The following ALK variants were observed in gnomAD, a reference collection of about 807,000 sequenced individuals.
ALK encodes ALK receptor tyrosine kinase.
A neutral mutation model predicts 163.1 loss-of-function variants in ALK; 74 were observed. The observed-to-expected ratio is 0.45, with a 90% CI of 0.38 to 0.55. The LOEUF is 0.55. Ranked by LOEUF, ALK falls within the 20% of genes least tolerant of loss-of-function variation. The pLI is 0.00. For missense variants in ALK, 2,063 were observed against 2,105.3 expected (o/e 0.98, Z 0.39); for synonymous variants, 960 against 843.2 (o/e 1.14, Z -2.40).
chr2:29,233,529 A>G, intron 14 of ALK, 36 bp downstream of exon 14: 1 of 1,614,004 alleles, frequency 6.2e-7, no homozygotes, highest in Non-Finnish European at 8.5e-7. Flanking sequence ...GCAGATGCAC[A>G]GGAACCTGGT....
At chr2:29,631,315 C>T (rs1301324260) in intron 3 of ALK, among the ~76,000 whole-genome samples, 2 of 152,230 alleles carry the variant, frequency 1.3e-5, no homozygotes, top group Non-Finnish European at 2.9e-5. Context: ...ATTTTATCAT[C>T]ACATCAGATT....
chr2:29,506,549 A>G (rs1198647336), intron 4 of ALK, among the ~76,000 whole-genome samples: 5 of 152,154 alleles, frequency 3.3e-5, no homozygotes, highest in East Asian at 1.9e-4. Context: ...GATTGAGACC[A>G]TCCTGGCCAA....
chr2:29,440,263 C>T (rs1049219182), intron 4 of ALK, among the ~76,000 whole-genome samples: 2 of 151,042 alleles, frequency 1.3e-5, no homozygotes, highest in African/African-American at 2.5e-5. Context: ...ACCACTAATA[C>T]ACATCTTTTC....
At chr2:29,578,203 C>G (rs935042934) in intron 3 of ALK, among the ~76,000 whole-genome samples, 1 of 151,852 alleles carries the variant, frequency 6.6e-6, no homozygotes, top group Non-Finnish European at 1.5e-5. Context: ...CCTACACAAG[C>G]TCTCTTTTTG....
At chr2:29,712,868 G>A (rs1320016477) in intron 2 of ALK, among the ~76,000 whole-genome samples, 1 of 152,156 alleles carries the variant, frequency 6.6e-6, no homozygotes, top group Non-Finnish European at 1.5e-5. Flanking sequence ...GGGATGTTGG[G>A]AAGAATATTT....
intron 4 of ALK, among the ~76,000 whole-genome samples, chr2:29,488,187 T>G (rs1671823166): frequency 6.6e-6 from 1 of 152,212 alleles, no homozygotes; most frequent in Admixed American, 6.5e-5. Context: ...CCTATGTGAA[T>G]GATTACATTA....
At chr2:29,240,783 C>G (rs562009931) in intron 12 of ALK, among the ~76,000 whole-genome samples, 1 of 152,140 alleles carries the variant, frequency 6.6e-6, no homozygotes, top group Admixed American at 6.5e-5. Flanking sequence ...AGACAGCTAA[C>G]GCACCAGCTA....
At chr2:29,879,791 GA>G (rs1373798962) in intron 1 of ALK, among the ~76,000 whole-genome samples, 1 of 152,176 alleles carries the variant, frequency 6.6e-6, no homozygotes, top group African/African-American at 2.4e-5. Context: ...TTCTTTTAGG[GA>G]AAAACTTCTC....
At chr2:29,215,047 G>A (rs748725167) in intron 23 of ALK, among the ~76,000 whole-genome samples, 6 of 152,230 alleles carry the variant, frequency 3.9e-5, no homozygotes, top group Non-Finnish European at 7.3e-5. Context: ...GAAAGCACAC[G>A]CAGGTAGGGG....
chr2:29,269,392 C>T (rs569033142), intron 11 of ALK, among the ~76,000 whole-genome samples: 1 of 152,304 alleles, frequency 6.6e-6, no homozygotes, highest in East Asian at 1.9e-4. Flanking sequence ...CTGACTGGCT[C>T]TCCAGCGTGA....
At chr2:29,317,133 C>A (rs1163231521) in intron 8 of ALK, among the ~76,000 whole-genome samples, 2 of 152,232 alleles carry the variant, frequency 1.3e-5, no homozygotes, top group African/African-American at 4.8e-5. Context: ...GTCTGTCCCT[C>A]TGCTGGCCAC....
chr2:29,308,626 G>T (rs1288918375), intron 8 of ALK, among the ~76,000 whole-genome samples: 2 of 152,222 alleles, frequency 1.3e-5, no homozygotes, highest in Non-Finnish European at 2.9e-5. Flanking sequence ...GTATCAGAAA[G>T]AATGGTCTAT....
At chr2:29,679,151 T>C (rs1163716185) in intron 3 of ALK, among the ~76,000 whole-genome samples, 2 of 151,922 alleles carry the variant, frequency 1.3e-5, no homozygotes, top group East Asian at 1.9e-4. Context: ...GTCTTAATTT[T>C]ATCTGATATT....
chr2:29,697,238 T>A (rs1678593661), intron 2 of ALK, among the ~76,000 whole-genome samples: 1 of 152,108 alleles, frequency 6.6e-6, no homozygotes, highest in African/African-American at 2.4e-5. Context: ...AGCCCTATAA[T>A]CTACCCTTCG....
At chr2:29,568,979 C>T (rs770874748) in intron 3 of ALK, among the ~76,000 whole-genome samples, 5 of 148,434 alleles carry the variant, frequency 3.4e-5, no homozygotes, top group Admixed American at 1.3e-4. Flanking sequence ...TGGGACAGGG[C>T]GGGGGATGAG....
Position 29,831,070 on chromosome 2 carries a change from G to GGGAGGA in ALK, c.667+88917_667+88922dup, listed in dbSNP as rs751792416. On this transcript the variant is annotated intron_variant, in intron 1 of 28. Transcript: ENST00000389048. The stretch of plus-strand genomic sequence containing the variant: ...GAAGGAGAAGAGGAAGGGGAGGAAG[G>GGGAGGA]GGAGGAGGAGGAGGAGGAGGAGGAG... Among the ~76,000 whole-genome samples the GGGAGGA allele has an allele frequency of 1.5e-3, 35 of 23,546 alleles. 2 individuals are homozygous for GGGAGGA. The highest frequency in any genetic ancestry group is 3.9e-3 in the African/African-American group (25 of 6,478). The allele number at this position is 23,546 out of a possible 152,430, so 15.4% of individuals were successfully genotyped here.
chr2:29,555,769 C>T (rs1158790043), intron 3 of ALK, among the ~76,000 whole-genome samples: 6 of 152,030 alleles, frequency 3.9e-5, no homozygotes, highest in Non-Finnish European at 7.4e-5. Context: ...GGGCAGACTC[C>T]CAATTTCTTT....
chr2:29,709,444 C>T (rs1679009527), intron 2 of ALK, among the ~76,000 whole-genome samples: 1 of 152,152 alleles, frequency 6.6e-6, no homozygotes, highest in Non-Finnish European at 1.5e-5. Context: ...GCAGACATTG[C>T]CATTACTTCT....
In ALK at chr2:29,705,545, G is replaced by A. The variant is rs116696337; in HGVS notation, c.788-10531C>T. ...CCCTATTTTATATCAACCTCTCAGGGGGCTGGGAGAGGCACCAGAGTGTCT... is the reference window on the plus strand; with the variant it reads ...CCCTATTTTATATCAACCTCTCAGGAGGCTGGGAGAGGCACCAGAGTGTCT... On this transcript the variant is annotated intron_variant, in intron 2 of 28. Coordinates refer to ENST00000389048, the MANE Select transcript of ALK (RefSeq NM_004304.5). Among the ~76,000 whole-genome samples, 1,354 of 151,802 alleles carry A rather than the reference G, an allele frequency of 8.9e-3. 22 individuals carry two copies. Among genetic ancestry groups the A allele is most frequent in the African/African-American group, 0.031 (1,301 of 41,426 alleles).
Sources: gnomAD v4.1 joint callset for allele counts (sites outside exome capture counted in the v4.1 genomes callset) on GRCh38, gnomAD v4.1.1 for gene constraint, MANE v1.5 for transcripts, NCBI Gene and HGNC (gene_info 2026-07-23, HGNC 2026-07-21) for gene names.